DISC1: variants seen among roughly 807,000 people sequenced by gnomAD.
DISC1 encodes the protein DISC1 scaffold protein.
DISC1 carries 57 observed loss-of-function variants against 84.5 expected under a neutral mutation model. That is an observed-to-expected ratio of 0.67 (90% CI 0.55 to 0.84). The LOEUF is 0.84. Among genes scored for constraint, DISC1 ranks in the 40% least tolerant of loss-of-function variants. The probability of loss-of-function intolerance (pLI) is 0.00; values close to 1 mark genes in which losing one functional copy is unlikely to be tolerated. For synonymous variants in DISC1, 411 were observed against 415.2 expected (o/e 0.99, Z 0.12); for missense variants, 1,000 against 1,057.8 (o/e 0.95, Z 0.76).
intron 1 of DISC1, among the ~76,000 whole-genome samples, chr1:231,640,341 A>C (rs1379517762): frequency 6.6e-6 from 1 of 152,180 alleles, no homozygotes; most frequent in African/African-American, 2.4e-5. Context: ...ACAGATGAAC[A>C]TAAGAGTGTC....
intron 6 of DISC1, among the ~76,000 whole-genome samples, chr1:231,785,907 C>T (rs184975157): frequency 1.3e-4 from 20 of 152,290 alleles, no homozygotes; most frequent in Non-Finnish European, 2.6e-4. Context: ...GCACAGTTAG[C>T]TTCCTAGCTG....
chr1:232,025,754 G>A (rs557808358), intron 11 of DISC1, among the ~76,000 whole-genome samples: 40 of 152,072 alleles, frequency 2.6e-4, no homozygotes, highest in Non-Finnish European at 4.1e-4. Flanking sequence ...CCGCCACTAC[G>A]CCCGGCTAAT....
At chr1:231,920,885 T>C (rs983248705) in intron 9 of DISC1, among the ~76,000 whole-genome samples, 15 of 151,056 alleles carry the variant, frequency 9.9e-5, no homozygotes, top group Admixed American at 7.9e-4. Flanking sequence ...TGAGAACCAC[T>C]GCCCTAGGAC....
At chr1:231,810,079 T>G (rs770419671) in intron 8 of DISC1, among the ~76,000 whole-genome samples, 1 of 152,224 alleles carries the variant, frequency 6.6e-6, no homozygotes. Flanking sequence ...ACTGAATGAT[T>G]AAAACATTCT....
chr1:232,011,913 G>A lies in DISC1; in HGVS notation c.2307+2864G>A, dbSNP rs577793458. ...CACAAGGCTTGAGTCTGAGTCTGCC[G>A]TGATCCTCAGTTAGGCCTCTTACAG... is the stretch of plus-strand genomic sequence containing the variant. On this transcript the variant is annotated intron_variant, in intron 11 of 12. Coordinates refer to ENST00000439617, the MANE Select transcript of DISC1 (RefSeq NM_018662.3). Among the ~76,000 whole-genome samples the A allele has an allele frequency of 3.3e-5, 5 of 152,268 alleles. No homozygotes were observed. In the East Asian group the frequency reaches 9.7e-4, roughly 29 times the overall value.
intron 8 of DISC1, among the ~76,000 whole-genome samples, chr1:231,815,738 C>CAAA (rs35447965): frequency 7.3e-6 from 1 of 136,266 alleles, no homozygotes; most frequent in African/African-American, 2.8e-5. Context: ...AACTCTGTCT[C>CAAA]AAAAAAAAAA....
At chr1:231,985,103 C>A (rs2102888011) in intron 10 of DISC1, among the ~76,000 whole-genome samples, 1 of 151,986 alleles carries the variant, frequency 6.6e-6, no homozygotes, top group East Asian at 1.9e-4. Flanking sequence ...GGTGGGTCAC[C>A]TGAGGTCAGA....
chr1:232,019,201 C>T (rs1572653174), intron 11 of DISC1, among the ~76,000 whole-genome samples: 5 of 152,160 alleles, frequency 3.3e-5, no homozygotes, highest in South Asian at 2.1e-4. Flanking sequence ...GGGATTGAAG[C>T]GTTCCTGGAA....
At chr1:232,006,238 C>T (rs918511644) in intron 10 of DISC1, among the ~76,000 whole-genome samples, 11 of 152,118 alleles carry the variant, frequency 7.2e-5, no homozygotes, top group Admixed American at 6.6e-5. Flanking sequence ...GACTTGGAAC[C>T]GGGTAACAGG....
intron 10 of DISC1, among the ~76,000 whole-genome samples, chr1:231,978,775 A>G (rs1663178466): frequency 6.6e-6 from 1 of 152,170 alleles, no homozygotes; most frequent in African/African-American, 2.4e-5. Context: ...TTGTATATTT[A>G]CTGTCCCAAA....
chr1:231,859,410 G>A (rs931495009), intron 9 of DISC1, among the ~76,000 whole-genome samples: 2 of 152,180 alleles, frequency 1.3e-5, no homozygotes, highest in Non-Finnish European at 2.9e-5. Context: ...CCTGTTTCCA[G>A]GTTCATAGAT....
In DISC1 at chr1:231,675,243, G is replaced by A. The variant is rs924416121; in HGVS notation, c.68-18583G>A. The stretch of plus-strand genomic sequence containing the variant: ...GCTACTCCCGCCCGCAAAGTGTAGC[G>A]CTGTCTTGGTGGATCCTGCCGGAAT... On this transcript the variant is annotated intron_variant, in intron 1 of 12. Coordinates refer to ENST00000439617, the MANE Select transcript of DISC1 (RefSeq NM_018662.3). The surrounding 1 kb of genome is among the most constrained non-coding windows in gnomAD (Gnocchi z 4.1). Among the ~76,000 whole-genome samples, 1 of 151,952 alleles carries A rather than the reference G, an allele frequency of 6.6e-6. No homozygotes were observed. The highest frequency in any genetic ancestry group is 1.9e-4 in the East Asian group (1 of 5,170).
chr1:231,845,668 C>G (rs2083401167), intron 9 of DISC1, among the ~76,000 whole-genome samples: 1 of 151,998 alleles, frequency 6.6e-6, no homozygotes. Flanking sequence ...GGTTCGGGAG[C>G]CGAACGGAGT....
intron 9 of DISC1, among the ~76,000 whole-genome samples, chr1:231,924,867 A>C (rs2090254760): frequency 6.6e-6 from 1 of 151,784 alleles, no homozygotes; most frequent in East Asian, 1.9e-4. Context: ...CATGTTAGCC[A>C]GGCTGGTCTC....
intron 9 of DISC1, among the ~76,000 whole-genome samples, chr1:231,868,410 C>T (rs1392850810): frequency 6.6e-6 from 1 of 152,024 alleles, no homozygotes; most frequent in African/African-American, 2.4e-5. Context: ...GCTTCAAGGC[C>T]ATTGTCATGG....
rs369007966 is a variant in DISC1, at chr1:231,712,747, C to CCTAACTT, written c.1117+10724_1117+10730dup. Among the ~76,000 whole-genome samples, 25 of 152,306 alleles carry CCTAACTT rather than the reference C, an allele frequency of 1.6e-4. 2 individuals are homozygous for CCTAACTT. The East Asian group carries it at 4.8e-3, about 29-fold the overall frequency. ...GACATAGGCATGTATCTCTGCTTAGCCTAACTTAGAACATAGGCTGGAAAA... is the reference window on the plus strand; with the variant it reads ...GACATAGGCATGTATCTCTGCTTAGCCTAACTTCTAACTTAGAACATAGGCTGGAAAA... On this transcript the variant is annotated intron_variant, in intron 3 of 12. Coordinates refer to ENST00000439617, the MANE Select transcript of DISC1 (RefSeq NM_018662.3).
intron 9 of DISC1, among the ~76,000 whole-genome samples, chr1:231,840,544 G>A (rs962767123): frequency 2.6e-5 from 4 of 152,054 alleles, no homozygotes; most frequent in African/African-American, 9.7e-5. Context: ...GAAAGAAACC[G>A]GTCTCAAAAG....
At chr1:231,805,617 C>T (rs1011389177) in intron 8 of DISC1, among the ~76,000 whole-genome samples, 1 of 150,976 alleles carries the variant, frequency 6.6e-6, no homozygotes, top group East Asian at 1.9e-4. Context: ...CAATCACCTT[C>T]CACTGGTGCT....
At chr1:231,648,627 G>C (rs1305622688) in intron 1 of DISC1, among the ~76,000 whole-genome samples, 1 of 152,174 alleles carries the variant, frequency 6.6e-6, no homozygotes, top group Non-Finnish European at 1.5e-5. Flanking sequence ...GTTTCAGAAG[G>C]AATGGTACCA....
Sources: gnomAD v4.1 joint callset for allele counts (sites outside exome capture counted in the v4.1 genomes callset) on GRCh38, gnomAD v4.1.1 for gene constraint, Gnocchi (gnomAD v3.1) non-coding constraint, MANE v1.5 for transcripts, NCBI Gene and HGNC (gene_info 2026-07-23, HGNC 2026-07-21) for gene names.